Variants in CHST11 observed in about 807,000 individuals in gnomAD.
The protein encoded by CHST11 is carbohydrate sulfotransferase 11.
A neutral mutation model predicts 30.4 loss-of-function variants in CHST11; 9 were observed. The observed-to-expected ratio is 0.30, with a 90% CI of 0.18 to 0.52. CHST11 has a LOEUF of 0.52. Ranked by LOEUF, CHST11 falls within the 20% of genes least tolerant of loss-of-function variation. CHST11 has a pLI of 0.97. For synonymous variants in CHST11, 152 were observed against 187.8 expected (o/e 0.81, Z 1.56); for missense variants, 348 against 460.6 (o/e 0.76, Z 2.24).
chr12:104,616,775 T>TA (rs1446139362), intron 2 of CHST11, among the ~76,000 whole-genome samples: 4 of 152,322 alleles, frequency 2.6e-5, no homozygotes, highest in African/African-American at 9.6e-5. Flanking sequence ...GGAAACTTTT[T>TA]AACAGACTCC....
chr12:104,526,375 A>ATAGGG (rs2038126095), intron 1 of CHST11, among the ~76,000 whole-genome samples: 1 of 152,146 alleles, frequency 6.6e-6, no homozygotes, highest in Non-Finnish European at 1.5e-5. Flanking sequence ...TGAGCTCCAT[A>ATAGGG]TAGGGGCTGA....
Position 104,610,783 on chromosome 12 carries a change from G to A in CHST11, c.204+8792G>A, listed in dbSNP as rs77671627. ...GGAGTCTGTGGGTCTGATGGACCAC[G>A]CAGATCTCGGGAGAGTTTCCACCCC... On this transcript the variant is annotated intron_variant, in intron 2 of 2. Transcript: ENST00000303694. Among the ~76,000 whole-genome samples the A allele has an allele frequency of 5.4e-3, 816 of 152,280 alleles. 7 individuals carry two copies. The highest frequency in any genetic ancestry group is 0.018 in the African/African-American group (758 of 41,540).
Position 104,600,642 on chromosome 12 carries a change from G to GGT in CHST11, c.119-1263_119-1262dup, listed in dbSNP as rs1228165337. Among the ~76,000 whole-genome samples the GGT allele has an allele frequency of 6.6e-6, 1 of 152,194 alleles. No homozygotes were observed. The highest frequency in any genetic ancestry group is 1.5e-5 in the Non-Finnish European group (1 of 68,044). Reference sequence around the variant, plus strand: ...TCCTTAAGGTCACACAGCTGGTAGTGGTAGAGCCAGTATTGAAACCCAGGC... The same window carrying GGT: ...TCCTTAAGGTCACACAGCTGGTAGTGGTGTAGAGCCAGTATTGAAACCCAGGC... On this transcript the variant is annotated intron_variant, in intron 1 of 2. Transcript: ENST00000303694. The surrounding 1 kb of genome is among the most constrained non-coding windows in gnomAD (Gnocchi z 4.1).
chr12:104,583,275 G>A (rs1455417466), intron 1 of CHST11, among the ~76,000 whole-genome samples: 2 of 152,128 alleles, frequency 1.3e-5, no homozygotes, highest in African/African-American at 4.8e-5. Flanking sequence ...TTTCCCTGGG[G>A]AGAAACCACT....
chr12:104,459,741 A>G (rs898573929), intron 1 of CHST11, among the ~76,000 whole-genome samples: 76 of 152,236 alleles, frequency 5.0e-4, no homozygotes, highest in Non-Finnish European at 8.7e-4. Context: ...GCTGAAAAAG[A>G]TCCTCTGTCG....
intron 2 of CHST11, among the ~76,000 whole-genome samples, chr12:104,687,782 C>T (rs528217269): frequency 2.0e-5 from 3 of 152,300 alleles, no homozygotes; most frequent in South Asian, 4.1e-4. Flanking sequence ...CCCCGCCCCC[C>T]CCAAAATTTT....
In CHST11 at chr12:104,519,071, G is replaced by GGGGTGTGTGTGTGT. The variant is rs1555229563; in HGVS notation, c.118+61543_118+61544insGGTGTGTGTGTGTG. Reference sequence around the variant, plus strand: ...TTGAGGCCTAGGCCTGGACTCTTGAGGTGTGTGTGTGTGTGTGTGTGTGTG... The same window carrying GGGGTGTGTGTGTGT: ...TTGAGGCCTAGGCCTGGACTCTTGAGGGGTGTGTGTGTGTGTGTGTGTGTGTGTGTGTGTGTGTG... On this transcript the variant is annotated intron_variant, in intron 1 of 2. Transcript: ENST00000303694. 4.3e-5 allele frequency among the ~76,000 whole-genome samples: 6 copies of GGGGTGTGTGTGTGT among 139,640 alleles called. No homozygotes were observed. In the East Asian group the frequency reaches 1.1e-3, roughly 25 times the overall value. 91.6% of individuals were successfully genotyped at this position (139,640 alleles called of 152,430 possible). A position where few individuals can be genotyped will look rare whatever the true frequency, so the allele number is the denominator to read the frequency against.
chr12:104,632,482 A>G (rs551428962), intron 2 of CHST11, among the ~76,000 whole-genome samples: 81 of 152,312 alleles, frequency 5.3e-4, no homozygotes, highest in African/African-American at 1.9e-3. Flanking sequence ...TGGTCTCCTA[A>G]GAAGTTCCCA....
chr12:104,735,124 C>A (rs1566058987), intron 2 of CHST11, among the ~76,000 whole-genome samples: 1 of 152,186 alleles, frequency 6.6e-6, no homozygotes, highest in Non-Finnish European at 1.5e-5. Flanking sequence ...GGTAAACAGA[C>A]AGTTACAGTA....
chr12:104,558,142 C>A (rs1387972265), intron 1 of CHST11, among the ~76,000 whole-genome samples: 1 of 152,130 alleles, frequency 6.6e-6, no homozygotes, highest in Non-Finnish European at 1.5e-5. Context: ...CAAAGCACCC[C>A]CTCTGCCTCT....
chr12:104,542,410 C>A (rs1162746493), intron 1 of CHST11, among the ~76,000 whole-genome samples: 1 of 152,204 alleles, frequency 6.6e-6, no homozygotes, highest in Non-Finnish European at 1.5e-5. Context: ...ATACAATGGA[C>A]AGCTATTCAT....
At position 104,471,403 on chromosome 12, in the gene CHST11, T is replaced by A. The variant is rs34215694; in HGVS notation, c.118+13874T>A. ...GGAATTTTCAATGCTGATTTGATTT[T>A]CATTTTGATTCTATGGTGAGCTGTC... On this transcript the variant is annotated intron_variant, in intron 1 of 2. Transcript: ENST00000303694. Among the ~76,000 whole-genome samples the A allele has an allele frequency of 4.9e-3, 753 of 152,362 alleles. 4 individuals are homozygous for A. The highest frequency in any genetic ancestry group is 8.1e-3 in the Non-Finnish European group (553 of 68,028).
intron 1 of CHST11, among the ~76,000 whole-genome samples, chr12:104,592,891 G>C (rs1323723174): frequency 6.6e-6 from 1 of 152,184 alleles, no homozygotes; most frequent in Admixed American, 6.5e-5. Context: ...AGAGGGAATG[G>C]GTTGGCTGCT....
intron 2 of CHST11, chr12:104,602,242 T>G: frequency 1.9e-6 from 1 of 518,404 alleles, no homozygotes; most frequent in Non-Finnish European, 3.4e-6. Flanking sequence ...GGGTTTGAAC[T>G]CCTGAGATTA....
Position 104,757,334 on chromosome 12 carries a change from G to T in CHST11, c.590G>T (p.Arg197Leu). ...TTCGAGAGGCTAGTGTCCGCCTACC[G>T]CAACAAGTTCACCCAGAAGTACAAC... Reference protein sequence around the residue: ...EPFERLVSAYRNKFTQKYNIS... With the variant: ...EPFERLVSAYLNKFTQKYNIS... The change falls in exon 3 of 3, where the codon CGC becomes CTC. Residue 197 changes from arginine (R) to leucine (L), a missense_variant. Arg to Leu is a moderately radical substitution (Grantham distance 102). This residue lies in a region of CHST11 where 210 missense variants were observed against 287.2 expected (regional missense o/e 0.73). Coordinates refer to ENST00000303694, the MANE Select transcript of CHST11 (RefSeq NM_018413.6). The surrounding 1 kb of genome is among the most constrained non-coding windows in gnomAD (Gnocchi z 6.5). The T allele has an allele frequency of 6.2e-7, 1 of 1,614,052 alleles. No individual in the cohort carries two copies. The highest frequency in any genetic ancestry group is 8.5e-7 in the Non-Finnish European group (1 of 1,180,018).
chr12:104,544,180 A>AAGAAAGAAAGAAAGAAAGAAAGACAGAC (rs1182750741), intron 1 of CHST11, among the ~76,000 whole-genome samples: 1 of 148,560 alleles, frequency 6.7e-6, no homozygotes, highest in African/African-American at 2.5e-5. Flanking sequence ...GAAAGAAAGA[A>AAGAAAGAAAGAAAGAAAGAAAGACAGAC]AGACCTGAAA....
intron 2 of CHST11, among the ~76,000 whole-genome samples, chr12:104,685,045 TG>T (rs748311679): frequency 6.6e-6 from 1 of 152,252 alleles, no homozygotes; most frequent in African/African-American, 2.4e-5. Context: ...GCATGGATTT[TG>T]TTCCTCCTCT....
intron 2 of CHST11, among the ~76,000 whole-genome samples, chr12:104,661,722 G>C (rs2039600599): frequency 6.6e-6 from 1 of 152,214 alleles, no homozygotes; most frequent in Admixed American, 6.5e-5. Flanking sequence ...CAGTAGTGGT[G>C]AAGGTGCTCC....
rs77018081 is a variant in CHST11, at chr12:104,733,865, T to C, written c.205-23084T>C. 9.3e-3 allele frequency among the ~76,000 whole-genome samples: 1,416 copies of C among 152,306 alleles called. 22 individuals are homozygous for C. The highest frequency in any genetic ancestry group is 0.033 in the African/African-American group (1,356 of 41,566). On this transcript the variant is annotated intron_variant, in intron 2 of 2. Coordinates refer to ENST00000303694, the MANE Select transcript of CHST11 (RefSeq NM_018413.6). ...AAGGTAGGAGGAGTTGGGTGATGGG[T>C]CTGGTTTCTTTGAAAAGCCAGCGGG...
Sources: allele counts gnomAD v4.1 joint callset (sites outside exome capture counted in the v4.1 genomes callset), GRCh38; gene constraint gnomAD v4.1.1; regional missense constraint gnomAD v4.1.1; non-coding constraint Gnocchi (gnomAD v3.1); transcripts MANE v1.5; gene names NCBI Gene and HGNC (gene_info 2026-07-23, HGNC 2026-07-21).